The following ADAMTS5 variants were observed in gnomAD, a reference collection of about 807,000 sequenced individuals.
ADAMTS5 encodes A disintegrin and metalloproteinase with thrombospondin motifs 5.
Under a neutral mutation model 81.4 loss-of-function variants are expected in ADAMTS5, and 54 were observed. The observed-to-expected ratio is 0.66, with a 90% CI of 0.53 to 0.83. The LOEUF (loss-of-function observed/expected upper bound fraction) is 0.83, where lower values mean the gene tolerates loss of function less well. Ranked by LOEUF, ADAMTS5 falls within the 40% of genes least tolerant of loss-of-function variation. The pLI is 0.00. For synonymous variants in ADAMTS5, 532 were observed against 508.8 expected, an observed-to-expected ratio of 1.05 and a Z score of -0.61; for missense variants, 1,194 against 1,229.9, an observed-to-expected ratio of 0.97 and a Z score of 0.44.
chr21:26,935,358 G>A (rs1198616524), intron 3 of ADAMTS5, among the ~76,000 whole-genome samples: 11 of 152,056 alleles, frequency 7.2e-5, no homozygotes, highest in Admixed American at 5.2e-4. Context: ...CTAGGTATCT[G>A]AAATACAGAA....
At chr21:26,938,654 T>C (rs377069745) in intron 3 of ADAMTS5, among the ~76,000 whole-genome samples, 21 of 152,152 alleles carry the variant, frequency 1.4e-4, no homozygotes, top group African/African-American at 5.1e-4. Flanking sequence ...CTCAGCCTCC[T>C]GAGTAGCTGG....
intron 3 of ADAMTS5, among the ~76,000 whole-genome samples, chr21:26,935,901 T>C (rs1987005420): frequency 6.6e-6 from 1 of 152,206 alleles, no homozygotes; most frequent in Admixed American, 6.5e-5. Flanking sequence ...ATAACAAATA[T>C]TTGTTACACA....
chr21:26,942,586 A>C (rs1019600229), intron 3 of ADAMTS5, among the ~76,000 whole-genome samples: 19 of 152,152 alleles, frequency 1.2e-4, no homozygotes, highest in Non-Finnish European at 1.6e-4. Flanking sequence ...TTATTACTTT[A>C]AAGTACTGAA....
At chr21:26,950,952 C>T (rs753562835) in intron 2 of ADAMTS5, among the ~76,000 whole-genome samples, 1 of 152,074 alleles carries the variant, frequency 6.6e-6, no homozygotes, top group Non-Finnish European at 1.5e-5. Flanking sequence ...GTCTCCTGGG[C>T]TCAAGCAGTC....
At chr21:26,962,184 G>A (rs1379828854) in intron 1 of ADAMTS5, among the ~76,000 whole-genome samples, 2 of 146,610 alleles carry the variant, frequency 1.4e-5, no homozygotes, top group Non-Finnish European at 3.0e-5. Flanking sequence ...AAGCAGGTAG[G>A]CTTTTGTTTC....
chr21:26,964,447 T>C (rs577881908), intron 1 of ADAMTS5, among the ~76,000 whole-genome samples: 1 of 152,350 alleles, frequency 6.6e-6, no homozygotes, highest in East Asian at 1.9e-4. Context: ...GGAAAACATT[T>C]CTTCCTTCTG....
At chr21:26,943,630 T>A in intron 2 of ADAMTS5, 83 bp from the exon 3 acceptor site, 1 of 1,324,992 alleles carries the variant, frequency 7.5e-7, no homozygotes, top group Non-Finnish European at 1.0e-6. Context: ...AGGGCTTGAT[T>A]TTTTTCCCCT....
intron 2 of ADAMTS5, among the ~76,000 whole-genome samples, chr21:26,948,041 T>A (rs756943489): frequency 5.3e-5 from 8 of 152,184 alleles, no homozygotes; most frequent in Non-Finnish European, 1.0e-4. Flanking sequence ...GGCAAAGGGG[T>A]GACATTTTAT....
chr21:26,954,686 G>A, intron 2 of ADAMTS5, 53 bp downstream of exon 2: 1 of 1,597,608 alleles, frequency 6.3e-7, no homozygotes, highest in Non-Finnish European at 8.5e-7. Flanking sequence ...GGTTCCTGTT[G>A]CAGCTGTTAC....
chr21:26,963,877 T>C (rs1568854626), intron 1 of ADAMTS5, among the ~76,000 whole-genome samples: 1 of 152,106 alleles, frequency 6.6e-6, no homozygotes, highest in Non-Finnish European at 1.5e-5. Flanking sequence ...TGCTTGGCTC[T>C]CCCTAAACTG....
In ADAMTS5 at chr21:26,960,351, T is replaced by A. The variant is rs529833675; in HGVS notation, c.1104+4937A>T. ...TTCTTTTCAATGATTGCCATTGCAC[T>A]TAATTTACAATTAAAACTTGTCAGC... On this transcript the variant is annotated intron_variant, in intron 1 of 7. Transcript: ENST00000284987. Among the ~76,000 whole-genome samples the A allele has an allele frequency of 2.0e-5, 3 of 152,356 alleles. No homozygotes were observed. The East Asian group carries it at 5.8e-4, about 29-fold the overall frequency.
intron 3 of ADAMTS5, among the ~76,000 whole-genome samples, chr21:26,937,246 G>A (rs1005153633): frequency 1.3e-5 from 2 of 152,154 alleles, no homozygotes; most frequent in Non-Finnish European, 2.9e-5. Context: ...TCAAGATGTG[G>A]CATCTCTTTA....
intron 1 of ADAMTS5, among the ~76,000 whole-genome samples, chr21:26,963,890 G>A (rs151186028): frequency 2.0e-5 from 3 of 152,098 alleles, no homozygotes; most frequent in Non-Finnish European, 4.4e-5. Context: ...CTAAACTGCC[G>A]CCCTCCAGCA....
Position 26,966,503 on chromosome 21 carries a change from A to T in ADAMTS5, c.-112T>A. On this transcript the variant is annotated 5_prime_UTR_variant, in exon 1 of 8. Coordinates refer to ENST00000284987, the MANE Select transcript of ADAMTS5 (RefSeq NM_007038.5). ...GGACACACACACACTTGCTTGCAGG[A>T]TTGAGTCAAGTGTCGGAGGGAGGGG... The T allele has an allele frequency of 8.6e-7, 1 of 1,156,448 alleles. No homozygotes were observed. The highest frequency in any genetic ancestry group is 1.1e-6 in the Non-Finnish European group (1 of 887,334). The allele number at this position is 1,156,448 out of a possible 1,614,324, so 71.6% of individuals were successfully genotyped here. A position where few individuals can be genotyped will look rare whatever the true frequency, so the allele number is the denominator to read the frequency against.
chr21:26,942,350 C>T (rs170655), intron 3 of ADAMTS5, among the ~76,000 whole-genome samples: 74,476 of 151,830 alleles, frequency 0.49, 19,914 homozygotes, highest in Non-Finnish European at 0.61. Context: ...AAGACGGTTG[C>T]CATAGATTAT....
rs1286298815 is a variant in ADAMTS5, at chr21:26,954,745, C to A, written c.1231G>T (p.Glu411Ter). The A allele has an allele frequency of 6.2e-7, 1 of 1,613,684 alleles. No individual in the cohort carries two copies. Among genetic ancestry groups the A allele is most frequent in the African/African-American group, 1.3e-5 (1 of 74,896 alleles). Residue 411 changes from glutamate (E) to a stop codon, truncating the protein, a stop_gained, in exon 2 of 8, where the codon GAA (glutamate) becomes TAA (stop). Coordinates refer to ENST00000284987, the MANE Select transcript of ADAMTS5 (RefSeq NM_007038.5). LOFTEE classifies it high-confidence loss of function. ...GLHAAFTVAH[E>*]IGHLLGLSHD... ...AAGAAAAGGCGCTGCATACCGATTT[C>A]GTGAGCCACAGTGAAGGCTGCGTGG...
chr21:26,920,563 T>G lies in ADAMTS5; in HGVS notation c.*3490A>C, dbSNP rs1461706754. ...AGAAACAGACAACATTTGGTTTTATTATCGTTTGTATCCCTCAGAAGTTGT... is the reference window on the plus strand; with the variant it reads ...AGAAACAGACAACATTTGGTTTTATGATCGTTTGTATCCCTCAGAAGTTGT... On this transcript the variant is annotated 3_prime_UTR_variant, in exon 8 of 8. Coordinates refer to ENST00000284987, the MANE Select transcript of ADAMTS5 (RefSeq NM_007038.5). 1.3e-5 allele frequency: 2 copies of G among 152,102 alleles called. No individual in the cohort carries two copies. The highest frequency in any genetic ancestry group is 2.9e-5 in the Non-Finnish European group (2 of 67,992). 9.4% of individuals were successfully genotyped at this position (152,102 alleles called of 1,614,324 possible).
At chr21:26,945,690 A>G (rs1987202579) in intron 2 of ADAMTS5, among the ~76,000 whole-genome samples, 1 of 152,198 alleles carries the variant, frequency 6.6e-6, no homozygotes, top group Admixed American at 6.5e-5. Context: ...AAGCAAGTCA[A>G]TTTAATTTTG....
At chr21:26,937,014 A>T (rs1488918565) in intron 3 of ADAMTS5, among the ~76,000 whole-genome samples, 2 of 152,242 alleles carry the variant, frequency 1.3e-5, no homozygotes, top group African/African-American at 2.4e-5. Context: ...AATTTTACTA[A>T]AAAGCACAGA....
Sources: allele counts gnomAD v4.1 joint callset (sites outside exome capture counted in the v4.1 genomes callset), GRCh38; gene constraint gnomAD v4.1.1; transcripts MANE v1.5; gene names NCBI Gene and HGNC (gene_info 2026-07-23, HGNC 2026-07-21).